Variants in ATAD2B observed in about 807,000 individuals in gnomAD.
ATAD2B encodes ATPase family AAA domain containing 2B.
Under a neutral mutation model 167.6 loss-of-function variants are expected in ATAD2B, and 40 were observed. That is an observed-to-expected ratio of 0.24 (90% CI 0.19 to 0.31). The LOEUF (loss-of-function observed/expected upper bound fraction) is 0.31, where lower values mean the gene tolerates loss of function less well. Among genes scored for constraint, ATAD2B ranks in the 10% least tolerant of loss-of-function variants. The pLI is 1.00. For missense variants in ATAD2B, 1,242 were observed against 1,757.2 expected, an observed-to-expected ratio of 0.71 and a Z score of 5.24; for synonymous variants, 579 against 596.5, an observed-to-expected ratio of 0.97 and a Z score of 0.43.
At chr2:23,885,602 G>A in intron 5 of ATAD2B, 125 bp downstream of exon 5, 1 of 549,182 alleles carries the variant, frequency 1.8e-6, no homozygotes, top group South Asian at 2.5e-5. Context: ...CCCAAACTAA[G>A]TTGGAAATGA....
intron 1 of ATAD2B, among the ~76,000 whole-genome samples, chr2:23,909,061 G>A (rs975031128): frequency 4.0e-5 from 6 of 150,782 alleles, no homozygotes; most frequent in Non-Finnish European, 7.4e-5. Flanking sequence ...CAGCGCACCA[G>A]CATGGCACAT....
At chr2:23,705,405 T>C in the ATAD2B span, among the ~76,000 whole-genome samples, 2 of 151,960 alleles carry the variant, frequency 1.3e-5, no homozygotes, top group Admixed American at 6.5e-5. Flanking sequence ...GGCAGGAGAA[T>C]TGCTTGAACC....
At position 23,888,001 on chromosome 2, in the gene ATAD2B, T is replaced by G. The variant is rs1698938724; in HGVS notation, c.419-16A>C. 2.6e-6 allele frequency: 4 copies of G among 1,525,862 alleles called. No homozygotes were observed. The highest frequency in any genetic ancestry group is 1.7e-4 in the Middle Eastern group (1 of 5,778). The allele number at this position is 1,525,862 out of a possible 1,614,324, so 94.5% of individuals were successfully genotyped here. ...CTTCGAAGGGCTACAAGAAGAGAGA[T>G]ATTTACATTTCAAAGTACAGAATAC... is the stretch of plus-strand genomic sequence containing the variant. On this transcript the variant is annotated splice_polypyrimidine_tract_variant and intron_variant, in intron 3 of 27. Transcript: ENST00000238789.
chr2:23,686,890 C>T, the ATAD2B span, among the ~76,000 whole-genome samples: 1 of 152,130 alleles, frequency 6.6e-6, no homozygotes, highest in African/African-American at 2.4e-5. Flanking sequence ...TCGCCGTGTT[C>T]GTTTGCAGCC....
chr2:23,854,638 A>G (rs1693082559), intron 13 of ATAD2B, among the ~76,000 whole-genome samples: 1 of 150,728 alleles, frequency 6.6e-6, no homozygotes, highest in South Asian at 2.1e-4. Flanking sequence ...AGATCGTGCC[A>G]TTGCACTCCA....
chr2:23,806,950 A>G (rs1684484137), intron 18 of ATAD2B, among the ~76,000 whole-genome samples: 1 of 152,206 alleles, frequency 6.6e-6, no homozygotes, highest in African/African-American at 2.4e-5. Context: ...TTACAAACAA[A>G]GTGTGCTTCT....
chr2:23,889,201 T>A (rs1216281241), intron 2 of ATAD2B, among the ~76,000 whole-genome samples: 1 of 152,114 alleles, frequency 6.6e-6, no homozygotes, highest in African/African-American at 2.4e-5. Context: ...AGAGTCTTGC[T>A]CTGTCGCCCA....
intron 15 of ATAD2B, among the ~76,000 whole-genome samples, chr2:23,826,048 C>A (rs1042993014): frequency 2.0e-5 from 3 of 152,108 alleles, no homozygotes; most frequent in African/African-American, 7.2e-5. Context: ...CAGTTTATAT[C>A]TGTGGTTCTC....
At chr2:23,691,949 G>A in the ATAD2B span, 1 of 1,442,846 alleles carries the variant, frequency 6.9e-7, no homozygotes, top group South Asian at 1.2e-5. Flanking sequence ...AAACAGCAAG[G>A]ACTGAGCGGG....
the ATAD2B span, among the ~76,000 whole-genome samples, chr2:23,719,152 C>T: frequency 6.6e-6 from 1 of 152,188 alleles, no homozygotes; most frequent in Admixed American, 6.5e-5. Flanking sequence ...ACACAGCCCA[C>T]AGGAACTAGG....
the ATAD2B span, among the ~76,000 whole-genome samples, chr2:23,702,548 A>G: frequency 6.6e-6 from 1 of 151,960 alleles, no homozygotes; most frequent in African/African-American, 2.4e-5. Flanking sequence ...CCCTGTGCCC[A>G]CTCAGTCCTG....
intron 13 of ATAD2B, among the ~76,000 whole-genome samples, chr2:23,840,042 T>C (rs1221170109): frequency 6.6e-6 from 1 of 152,192 alleles, no homozygotes; most frequent in African/African-American, 2.4e-5. Flanking sequence ...GATTCATCCA[T>C]GTTACTGGTT....
chr2:23,869,617 T>A, intron 9 of ATAD2B, 46 bp downstream of exon 9: 1 of 1,378,458 alleles, frequency 7.3e-7, no homozygotes, highest in Non-Finnish European at 1.0e-6. Flanking sequence ...AAAAACTTAT[T>A]TTTCCTTTTT....
intron 13 of ATAD2B, among the ~76,000 whole-genome samples, chr2:23,842,551 CTTT>C (rs1691087191): frequency 6.6e-6 from 1 of 152,120 alleles, no homozygotes; most frequent in Non-Finnish European, 1.5e-5. Flanking sequence ...TTCTCTCTAG[CTTT>C]TAGTCTGGGA....
At chr2:23,804,954 C>T (rs1158168939) in intron 18 of ATAD2B, among the ~76,000 whole-genome samples, 1 of 151,632 alleles carries the variant, frequency 6.6e-6, no homozygotes, top group Non-Finnish European at 1.5e-5. Flanking sequence ...ACCAGCCTGG[C>T]CAACATGGTG....
chr2:23,878,025 A>AAAAAAAAAAAAAG lies in ATAD2B; in HGVS notation c.902-2122_902-2121insCTTTTTTTTTTTT, dbSNP rs1697243829. ...ACCCTATCTCCAAAGAAAAAAAAAA[A>AAAAAAAAAAAAAG]AAAAAAAAAAAAAAGCAAAATGTAT... is the stretch of plus-strand genomic sequence containing the variant. On this transcript the variant is annotated intron_variant, in intron 7 of 27. Transcript: ENST00000238789. Among the ~76,000 whole-genome samples the AAAAAAAAAAAAAG allele has an allele frequency of 7.6e-4, 81 of 106,794 alleles. 2 individuals are homozygous for AAAAAAAAAAAAAG. Among genetic ancestry groups the AAAAAAAAAAAAAG allele is most frequent in the South Asian group, 1.2e-3 (4 of 3,286 alleles). The allele number at this position is 106,794 out of a possible 152,430, so 70.1% of individuals were successfully genotyped here. A position where few individuals can be genotyped will look rare whatever the true frequency, so the allele number is the denominator to read the frequency against.
At chr2:23,782,087 G>C (rs1644560229) in intron 22 of ATAD2B, among the ~76,000 whole-genome samples, 1 of 152,180 alleles carries the variant, frequency 6.6e-6, no homozygotes, top group African/African-American at 2.4e-5. Context: ...AAAGTGCTGG[G>C]ATTACAGGTG....
intron 9 of ATAD2B, 147 bp downstream of exon 9, chr2:23,869,516 G>T (rs890432143): frequency 1.6e-6 from 1 of 613,714 alleles, no homozygotes; most frequent in Admixed American, 2.9e-5. Context: ...GATTTTTATT[G>T]AAAGAAAAGC....
At chr2:23,879,008 C>A (rs1046165030) in intron 7 of ATAD2B, among the ~76,000 whole-genome samples, 1 of 152,066 alleles carries the variant, frequency 6.6e-6, no homozygotes, top group African/African-American at 2.4e-5. Flanking sequence ...TCTGAGTATA[C>A]CAATTGTTGG....
Sources: allele counts gnomAD v4.1 joint callset (sites outside exome capture counted in the v4.1 genomes callset), GRCh38; gene constraint gnomAD v4.1.1; transcripts MANE v1.5; gene names NCBI Gene and HGNC (gene_info 2026-07-23, HGNC 2026-07-21).